Variants in AK4 observed in about 807,000 individuals in gnomAD.
AK4 encodes adenylate kinase 4.
A neutral mutation model predicts 24.6 loss-of-function variants in AK4; 13 were observed. The observed-to-expected ratio is 0.53, with a 90% CI of 0.34 to 0.84. The LOEUF is 0.84. Among genes scored for constraint, AK4 ranks in the 40% least tolerant of loss-of-function variants. AK4 has a pLI of 0.01. For synonymous variants in AK4, 88 were observed against 107.0 expected (o/e 0.82, Z 1.10); for missense variants, 192 against 288.2 (o/e 0.67, Z 2.42).
At chr1:65,189,788 A>C (rs1304174115) in intron 1 of AK4, among the ~76,000 whole-genome samples, 1 of 151,954 alleles carries the variant, frequency 6.6e-6, no homozygotes, top group Non-Finnish European at 1.5e-5. Flanking sequence ...ATGAAGATAG[A>C]AGCAGTTTTC....
chr1:65,149,469 C>A (rs991817473), intron 1 of AK4, among the ~76,000 whole-genome samples: 1 of 152,160 alleles, frequency 6.6e-6, no homozygotes, highest in Non-Finnish European at 1.5e-5. Flanking sequence ...CTTAACCCTT[C>A]TGGGATGGAG....
chr1:65,157,607 G>A (rs1650023927), intron 1 of AK4, among the ~76,000 whole-genome samples: 1 of 152,070 alleles, frequency 6.6e-6, no homozygotes, highest in Non-Finnish European at 1.5e-5. Context: ...AACGTAGCGA[G>A]ACCTCATCTT....
chr1:65,174,562 TGTTTAA>T (rs1351913361), intron 1 of AK4, among the ~76,000 whole-genome samples: 1 of 152,242 alleles, frequency 6.6e-6, no homozygotes, highest in Non-Finnish European at 1.5e-5. Context: ...CCTGAGCCTT[TGTTTAA>T]GTCACTGAGC....
At chr1:65,208,637 T>G (rs1651880079) in intron 2 of AK4, among the ~76,000 whole-genome samples, 1 of 152,210 alleles carries the variant, frequency 6.6e-6, no homozygotes, top group Admixed American at 6.5e-5. Context: ...GCATAGCCTT[T>G]TCACAAGCTG....
rs569787304 is a variant in AK4, at chr1:65,227,321, G to A, written c.*1144G>A. The A allele has an allele frequency of 6.4e-3, 964 of 150,656 alleles. 4 individuals carry two copies. Among genetic ancestry groups the A allele is most frequent in the African/African-American group, 0.022 (917 of 40,846 alleles). 9.3% of individuals were successfully genotyped at this position (150,656 alleles called of 1,614,324 possible). On this transcript the variant is annotated 3_prime_UTR_variant, in exon 5 of 5. Coordinates refer to ENST00000327299, the MANE Select transcript of AK4 (RefSeq NM_013410.4). ...TGGAGCCTGTGGGGTTGAGCAGAAT[G>A]TTGTACTAGCTGTGCCTGGACTGAG...
chr1:65,201,183 A>G (rs1651653059), intron 2 of AK4, among the ~76,000 whole-genome samples: 1 of 152,134 alleles, frequency 6.6e-6, no homozygotes, highest in East Asian at 1.9e-4. Context: ...TTTTTCTCTT[A>G]GTGACTTTTC....
intron 1 of AK4, among the ~76,000 whole-genome samples, chr1:65,180,195 C>T (rs1557448612): frequency 6.6e-6 from 1 of 152,086 alleles, no homozygotes; most frequent in Admixed American, 6.6e-5. Context: ...TGTCTGTAAT[C>T]CCACCACTTT....
intron 1 of AK4, among the ~76,000 whole-genome samples, chr1:65,149,510 A>G (rs926068407): frequency 6.6e-6 from 1 of 152,150 alleles, no homozygotes; most frequent in African/African-American, 2.4e-5. Flanking sequence ...CTTTATGAAA[A>G]GTTGTTCTTC....
At chr1:65,220,206 T>C (rs1449446115) in intron 3 of AK4, among the ~76,000 whole-genome samples, 18 of 152,170 alleles carry the variant, frequency 1.2e-4, no homozygotes, top group Admixed American at 1.2e-3. Context: ...ACGTGCAGAG[T>C]TTTGTGCAAA....
chr1:65,184,466 C>T (rs976892539), intron 1 of AK4, among the ~76,000 whole-genome samples: 34 of 152,014 alleles, frequency 2.2e-4, no homozygotes, highest in African/African-American at 8.2e-4. Context: ...AGATAGTGGC[C>T]TCTTTGGGGC....
Position 65,204,159 on chromosome 1 carries a change from G to C in AK4, c.265+13330G>C, listed in dbSNP as rs1051121553. On this transcript the variant is annotated intron_variant, in intron 2 of 4. Transcript: ENST00000327299. ...TATGTAGATGGAAATGTGTAAGAAG[G>C]CATCAGACTTTATATGCTTTAAAAA... Among the ~76,000 whole-genome samples, 2 of 151,716 alleles carry C rather than the reference G, an allele frequency of 1.3e-5. 1 individual carries two copies. Among genetic ancestry groups the C allele is most frequent in the South Asian group, 4.2e-4 (2 of 4,788 alleles).
At chr1:65,199,134 T>C (rs949528294) in intron 2 of AK4, among the ~76,000 whole-genome samples, 2 of 151,920 alleles carry the variant, frequency 1.3e-5, no homozygotes, top group Admixed American at 6.6e-5. Context: ...TAGATGAATG[T>C]TATTTTCTTT....
intron 1 of AK4, among the ~76,000 whole-genome samples, chr1:65,189,677 A>ACACC (rs1553124628): frequency 1.1e-4 from 16 of 150,862 alleles, no homozygotes; most frequent in African/African-American, 2.9e-4. Context: ...ACACACACAC[A>ACACC]CCCCACACAT....
chr1:65,182,455 C>G (rs1650942411), intron 1 of AK4, among the ~76,000 whole-genome samples: 1 of 151,954 alleles, frequency 6.6e-6, no homozygotes, highest in African/African-American at 2.4e-5. Flanking sequence ...TCACAAAACA[C>G]ACTTTTCATT....
intron 3 of AK4, among the ~76,000 whole-genome samples, 176 bp from the exon 4 acceptor site, chr1:65,224,576 A>G (rs1652395573): frequency 2.0e-5 from 3 of 152,200 alleles, no homozygotes; most frequent in Non-Finnish European, 4.4e-5. Flanking sequence ...AGGTTAACAT[A>G]CTGTTAAGTG....
At chr1:65,207,557 T>G (rs1481534276) in intron 2 of AK4, among the ~76,000 whole-genome samples, 5 of 151,722 alleles carry the variant, frequency 3.3e-5, no homozygotes, top group African/African-American at 4.9e-5. Flanking sequence ...CTGCTGTTTT[T>G]TTTTTTTTTT....
At chr1:65,193,842 C>T (rs1416594877) in intron 2 of AK4, among the ~76,000 whole-genome samples, 6 of 152,336 alleles carry the variant, frequency 3.9e-5, no homozygotes, top group Non-Finnish European at 5.9e-5. Flanking sequence ...TGTTGTGGCT[C>T]ACACCTGTAA....
At chr1:65,213,791 G>C (rs1007195611) in intron 2 of AK4, among the ~76,000 whole-genome samples, 10 of 152,134 alleles carry the variant, frequency 6.6e-5, no homozygotes, top group African/African-American at 2.4e-4. Context: ...TGCCCCCCCA[G>C]TACCTCAGAT....
chr1:65,168,145 CTTT>C (rs3051710), intron 1 of AK4, among the ~76,000 whole-genome samples: 1 of 125,256 alleles, frequency 8.0e-6, no homozygotes. Flanking sequence ...TCTGCATATT[CTTT>C]TTTTTTTTTT....
Sources: allele counts gnomAD v4.1 joint callset (sites outside exome capture counted in the v4.1 genomes callset), GRCh38; gene constraint gnomAD v4.1.1; transcripts MANE v1.5; gene names NCBI Gene and HGNC (gene_info 2026-07-23, HGNC 2026-07-21).